Variants in FOXP2 observed in about 807,000 individuals in gnomAD.
FOXP2 encodes the protein forkhead box protein P2.
A neutral mutation model predicts 115.8 loss-of-function variants in FOXP2; 12 were observed. The observed-to-expected ratio is 0.10, with a 90% CI of 0.07 to 0.17. The LOEUF (loss-of-function observed/expected upper bound fraction) is 0.17, where lower values mean the gene tolerates loss of function less well. Among genes scored for constraint, FOXP2 ranks in the 10% least tolerant of loss-of-function variants. The pLI is 1.00. For synonymous variants in FOXP2, 328 were observed against 297.7 expected (o/e 1.10, Z -1.05); for missense variants, 629 against 843.5 (o/e 0.75, Z 3.15).
chr7:114,677,036 C>T (rs1230837329), intron 16 of FOXP2, among the ~76,000 whole-genome samples: 7 of 151,738 alleles, frequency 4.6e-5, no homozygotes, highest in South Asian at 2.1e-4. Context: ...CGTGGTTGCG[C>T]GCGCCTGTAG....
intron 1 of FOXP2, among the ~76,000 whole-genome samples, chr7:114,121,438 T>G (rs1418204392): frequency 6.6e-6 from 1 of 152,160 alleles, no homozygotes; most frequent in Non-Finnish European, 1.5e-5. Flanking sequence ...AGGGAAAAGA[T>G]AAATTCAGTT....
intron 2 of FOXP2, among the ~76,000 whole-genome samples, chr7:114,513,013 C>T (rs907589517): frequency 2.0e-5 from 3 of 151,982 alleles, no homozygotes; most frequent in South Asian, 2.1e-4. Context: ...ACCCGGGAGG[C>T]GGAGGCTGCA....
rs114108048 is a variant in FOXP2 at position 114,287,474 on chromosome 7, C to T, written c.-101-545C>T. Among the ~76,000 whole-genome samples, 432 of 151,836 alleles carry T rather than the reference C, an allele frequency of 2.8e-3. 2 individuals carry two copies. Among genetic ancestry groups the T allele is most frequent in the African/African-American group, 0.01 (415 of 41,458 alleles). On this transcript the variant is annotated intron_variant, in intron 1 of 17. Coordinates refer to the FOXP2 transcript ENST00000634411. ...ATTAAAGAAGGAAGAAACTAGAAAA[C>T]GAGAGTAGTTGAATCGGAAATGGAT...
chr7:114,132,582 T>TGTGTGTGTGAGAGAGAGAGA (rs1554419465), intron 1 of FOXP2, among the ~76,000 whole-genome samples: 1 of 55,996 alleles, frequency 1.8e-5, no homozygotes, highest in African/African-American at 7.9e-5. Flanking sequence ...TGTGTGTGTG[T>TGTGTGTGTGAGAGAGAGAGA]GAGAGAGAGA....
chr7:114,488,693 G>A (rs994426730), intron 2 of FOXP2, among the ~76,000 whole-genome samples: 1 of 152,028 alleles, frequency 6.6e-6, no homozygotes, highest in African/African-American at 2.4e-5. Context: ...TGATAAATTT[G>A]GAGTTCAAGG....
chr7:114,478,718 A>C (rs1796394194), intron 2 of FOXP2, among the ~76,000 whole-genome samples: 1 of 151,772 alleles, frequency 6.6e-6, no homozygotes, highest in African/African-American at 2.4e-5. Context: ...ACAAATCTGG[A>C]TACATCTTGG....
chr7:114,306,597 T>C (rs1339013476), intron 2 of FOXP2, among the ~76,000 whole-genome samples: 1 of 152,208 alleles, frequency 6.6e-6, no homozygotes, highest in Non-Finnish European at 1.5e-5. Flanking sequence ...GTCTGAACCC[T>C]GCACTACATT....
chr7:114,447,136 C>T (rs1353412055), intron 2 of FOXP2, among the ~76,000 whole-genome samples: 1 of 152,008 alleles, frequency 6.6e-6, no homozygotes, highest in Non-Finnish European at 1.5e-5. Flanking sequence ...CCCTCAATCC[C>T]CATATTCAAT....
chr7:114,250,437 C>A (rs1405329803), intron 1 of FOXP2, among the ~76,000 whole-genome samples: 1 of 152,194 alleles, frequency 6.6e-6, no homozygotes, highest in East Asian at 1.9e-4. Flanking sequence ...TCCTGTTTCT[C>A]CACATCTTCT....
At chr7:114,254,048 A>G (rs1355605107) in intron 1 of FOXP2, among the ~76,000 whole-genome samples, 2 of 152,164 alleles carry the variant, frequency 1.3e-5, no homozygotes, top group East Asian at 1.9e-4. Flanking sequence ...TCCTTCACTT[A>G]TGAAGCTTAG....
rs1254579175 is a variant in FOXP2, at chr7:114,691,028, G to A, written c.*1102G>A. 1 of 454,218 alleles carries A rather than the reference G, an allele frequency of 2.2e-6. No individual in the cohort carries two copies. Among genetic ancestry groups the A allele is most frequent in the East Asian group, 6.9e-5 (1 of 14,398 alleles). 28.1% of individuals were successfully genotyped at this position (454,218 alleles called of 1,614,324 possible). Reference sequence around the variant, plus strand: ...TTGCTTTCATTAAAGACAGAGGTGAGGACAAAATCCGCAGTGGAAGTTATG... The same window carrying A: ...TTGCTTTCATTAAAGACAGAGGTGAAGACAAAATCCGCAGTGGAAGTTATG... On this transcript the variant is annotated 3_prime_UTR_variant, in exon 17 of 17. Transcript: ENST00000350908.
intron 1 of FOXP2, among the ~76,000 whole-genome samples, chr7:114,199,417 A>T (rs1402321892): frequency 6.7e-6 from 1 of 149,826 alleles, no homozygotes; most frequent in Non-Finnish European, 1.5e-5. Flanking sequence ...AAATTGATAA[A>T]TAAATACATG....
upstream of FOXP2, chr7:114,086,479 CCCT>C: frequency 2.9e-6 from 1 of 349,620 alleles, no homozygotes; most frequent in Non-Finnish European, 5.6e-6. Flanking sequence ...TCGGCCCCCC[CCCT>C]CCCCGGGCGC....
At chr7:114,394,306 T>A (rs1792685049) in intron 2 of FOXP2, among the ~76,000 whole-genome samples, 1 of 151,812 alleles carries the variant, frequency 6.6e-6, no homozygotes, top group African/African-American at 2.4e-5. Context: ...ATTTGGAGCT[T>A]GAAAGTAAAT....
rs555620376 is a variant in FOXP2, at chr7:114,341,101, G to A, written c.-11+52992G>A. Among the ~76,000 whole-genome samples the A allele has an allele frequency of 6.0e-5, 9 of 151,064 alleles. No homozygotes were observed. The East Asian group carries it at 1.4e-3, about 23-fold the overall frequency. On this transcript the variant is annotated intron_variant, in intron 2 of 17. Transcript: ENST00000634411. ...AATTATTACTTAGCACTGAATAATC[G>A]CATACCACATACTCTGAACTATATC...
At chr7:114,554,769 A>T (rs545345488) in intron 3 of FOXP2, among the ~76,000 whole-genome samples, 2 of 152,024 alleles carry the variant, frequency 1.3e-5, no homozygotes, top group East Asian at 1.9e-4. Context: ...TTTAATACTA[A>T]TTTTTTTTCA....
intron 2 of FOXP2, among the ~76,000 whole-genome samples, chr7:114,438,555 T>C (rs1794454681): frequency 6.6e-6 from 1 of 151,912 alleles, no homozygotes; most frequent in South Asian, 2.1e-4. Flanking sequence ...TTATAACAAC[T>C]AGTTTTGAAA....
At chr7:114,662,039 T>A (rs375160023) in intron 13 of FOXP2, 26 bp from the exon 14 acceptor site, 120 of 1,611,602 alleles carry the variant, frequency 7.4e-5, no homozygotes, top group Non-Finnish European at 9.8e-5. Flanking sequence ...TTTTTGCCAT[T>A]TTTTCTTCTC....
chr7:114,419,100 AC>A (rs1235805467), intron 1 of FOXP2, among the ~76,000 whole-genome samples: 1 of 151,930 alleles, frequency 6.6e-6, no homozygotes, highest in African/African-American at 2.4e-5. Flanking sequence ...ATCTATGCTA[AC>A]TGACTGTGCA....
Sources: gnomAD v4.1 joint callset for allele counts (sites outside exome capture counted in the v4.1 genomes callset) on GRCh38, gnomAD v4.1.1 for gene constraint, MANE v1.5 for transcripts, NCBI Gene and HGNC (gene_info 2026-07-23, HGNC 2026-07-21) for gene names.